The following MYO1H variants were observed in gnomAD, a reference collection of about 807,000 sequenced individuals.
MYO1H encodes myosin IH, also known as unconventional myosin-Ih.
MYO1H carries 118 observed loss-of-function variants against 149.3 expected under a neutral mutation model. The observed-to-expected ratio is 0.79, with a 90% CI of 0.68 to 0.92. The LOEUF (loss-of-function observed/expected upper bound fraction) is 0.92. MYO1H is among the 40% of genes least tolerant of loss of function. MYO1H has a pLI of 0.00. For synonymous variants in MYO1H, 447 were observed against 465.2 expected (o/e 0.96, Z 0.50); for missense variants, 1,212 against 1,280.7 (o/e 0.95, Z 0.82).
At chr12:109,325,809 C>T in the MYO1H span, among the ~76,000 whole-genome samples, 1 of 152,094 alleles carries the variant, frequency 6.6e-6, no homozygotes, top group Non-Finnish European at 1.5e-5. Flanking sequence ...GCCAAGAAAA[C>T]ATGAAAAATA....
intron 15 of MYO1H, among the ~76,000 whole-genome samples, chr12:109,416,586 C>G (rs1161667721): frequency 6.6e-6 from 1 of 152,108 alleles, no homozygotes; most frequent in Admixed American, 6.6e-5. Flanking sequence ...GTTGTTTATA[C>G]CTTCTAACTA....
At chr12:109,406,380 C>T (rs978459333) in intron 8 of MYO1H, among the ~76,000 whole-genome samples, 5 of 144,262 alleles carry the variant, frequency 3.5e-5, no homozygotes, top group East Asian at 2.2e-4. Context: ...GCAGGAGGAT[C>T]GCTTGAGGCC....
At chr12:109,362,656 C>A (rs1868779921) in intron 1 of MYO1H, among the ~76,000 whole-genome samples, 1 of 152,152 alleles carries the variant, frequency 6.6e-6, no homozygotes, top group African/African-American at 2.4e-5. Flanking sequence ...CCGGGAGAAA[C>A]TTAGCAAGGC....
At chr12:109,348,209 C>T (rs994481590) in intron 1 of MYO1H, among the ~76,000 whole-genome samples, 3 of 152,134 alleles carry the variant, frequency 2.0e-5, no homozygotes, top group African/African-American at 4.8e-5. Flanking sequence ...GGAGAGTTAC[C>T]GATTCATTTC....
At chr12:109,442,551 A>G (rs951531129) in intron 27 of MYO1H, among the ~76,000 whole-genome samples, 1 of 152,212 alleles carries the variant, frequency 6.6e-6, no homozygotes, top group African/African-American at 2.4e-5. Context: ...CTTAATCACG[A>G]AACACCCCCT....
chr12:109,428,513 A>G (rs527334818), intron 19 of MYO1H, among the ~76,000 whole-genome samples: 1 of 152,314 alleles, frequency 6.6e-6, no homozygotes, highest in Admixed American at 6.5e-5. Flanking sequence ...TTATACACCA[A>G]CACTTCTTCA....
intron 19 of MYO1H, 134 bp from the exon 20 acceptor site, chr12:109,432,763 G>A: frequency 1.5e-6 from 1 of 664,522 alleles, no homozygotes; most frequent in South Asian, 1.9e-5. Flanking sequence ...GAAAGTTCGT[G>A]TAATGGGACT....
chr12:109,330,860 G>T, the MYO1H span, among the ~76,000 whole-genome samples: 1 of 151,900 alleles, frequency 6.6e-6, no homozygotes, highest in African/African-American at 2.4e-5. Context: ...GTCTTGTGTC[G>T]TCAGACTAAA....
intron 10 of MYO1H, among the ~76,000 whole-genome samples, chr12:109,409,257 T>A (rs1353805004): frequency 9.4e-6 from 1 of 106,878 alleles, no homozygotes; most frequent in African/African-American, 4.1e-5. Flanking sequence ...TTTTTTTTTT[T>A]TTTTTTTTTT....
chr12:109,403,871 C>T (rs1592796192), intron 6 of MYO1H, 111 bp from the exon 7 acceptor site: 7 of 629,890 alleles, frequency 1.1e-5, no homozygotes, highest in Middle Eastern at 3.3e-4. Flanking sequence ...ATTTTTGATT[C>T]GCAATTCAGT....
the MYO1H span, among the ~76,000 whole-genome samples, chr12:109,335,867 A>T: frequency 6.6e-6 from 1 of 152,192 alleles, no homozygotes; most frequent in Admixed American, 6.5e-5. Flanking sequence ...GCAATTTAAA[A>T]AATGTGTTTG....
intron 19 of MYO1H, among the ~76,000 whole-genome samples, chr12:109,432,065 A>G (rs993164799): frequency 7.4e-6 from 1 of 135,708 alleles, no homozygotes; most frequent in African/African-American, 2.9e-5. Context: ...ACAGTGGCGC[A>G]ATCTCGGCTC....
At chr12:109,318,555 C>T in the MYO1H span, among the ~76,000 whole-genome samples, 1 of 152,182 alleles carries the variant, frequency 6.6e-6, no homozygotes, top group African/African-American at 2.4e-5. Context: ...GATGAAGGCA[C>T]AGAGGTGCTT....
intron 1 of MYO1H, among the ~76,000 whole-genome samples, chr12:109,360,942 C>T (rs114824072): frequency 6.6e-6 from 1 of 152,176 alleles, no homozygotes; most frequent in East Asian, 1.9e-4. Flanking sequence ...ACACAACTCA[C>T]GTCTGTCAAG....
the MYO1H span, among the ~76,000 whole-genome samples, chr12:109,324,504 A>T: frequency 7.2e-5 from 11 of 152,154 alleles, no homozygotes; most frequent in African/African-American, 2.7e-4. Context: ...CCCTGCCATG[A>T]TTAAGATGCT....
intron 6 of MYO1H, 158 bp downstream of exon 6, chr12:109,401,430 C>A (rs576921820): frequency 7.2e-6 from 5 of 698,638 alleles, no homozygotes; most frequent in Non-Finnish European, 1.1e-5. Context: ...CAATCTAATC[C>A]ATCTCCTCTT....
intron 27 of MYO1H, among the ~76,000 whole-genome samples, 168 bp from the exon 28 acceptor site, chr12:109,443,344 ATG>A (rs199880897): frequency 0.011 from 1,412 of 129,644 alleles, 386 homozygotes; most frequent in African/African-American, 0.043. Flanking sequence ...GTACGTATAT[ATG>A]TGTGTATATA....
Position 109,426,531 on chromosome 12 carries a change from A to G in MYO1H, c.1831+480A>G, listed in dbSNP as rs113000116. Reference sequence around the variant, plus strand: ...ACAGAGTGAGACCCTATCTCAAAAAATAATAATAATAGAAGGTAAATGAAT... The same window carrying G: ...ACAGAGTGAGACCCTATCTCAAAAAGTAATAATAATAGAAGGTAAATGAAT... On this transcript the variant is annotated intron_variant, in intron 18 of 31. Coordinates refer to ENST00000310903, the Ensembl canonical transcript of MYO1H. Among the ~76,000 whole-genome samples, 361 of 152,200 alleles carry G rather than the reference A, an allele frequency of 2.4e-3. 2 individuals carry two copies. Among genetic ancestry groups the G allele is most frequent in the African/African-American group, 8.3e-3 (345 of 41,540 alleles).
intron 3 of MYO1H, among the ~76,000 whole-genome samples, chr12:109,395,581 A>G (rs1367580626): frequency 1.3e-5 from 2 of 148,910 alleles, no homozygotes; most frequent in Admixed American, 7.0e-5. Context: ...TAAAAATAAA[A>G]AAATTAGCCA....
Sources: gnomAD v4.1 joint callset for allele counts (sites outside exome capture counted in the v4.1 genomes callset) on GRCh38, gnomAD v4.1.1 for gene constraint, MANE v1.5 for transcripts, NCBI Gene and HGNC (gene_info 2026-07-23, HGNC 2026-07-21) for gene names.